Variants in SMIM41 observed in about 807,000 individuals in gnomAD.
SMIM41 encodes small integral membrane protein 41.
In SMIM41 at chr12:52,108,101, T is replaced by C. The variant is rs28687915; in HGVS notation, c.*918T>C. On this transcript the variant is annotated 3_prime_UTR_variant, in exon 3 of 3. Coordinates refer to ENST00000546390, the MANE Select transcript of SMIM41 (RefSeq NM_001369216.1). ...TTGTTTGCTGATTTTATGGAAGAGG[T>C]GTTGGAGGGTACCTCAGTTCAGATG... 35,703 of 215,768 alleles carry C rather than the reference T, an allele frequency of 0.17. 4,416 individuals are homozygous for C. Among genetic ancestry groups the C allele is most frequent in the African/African-American group, 0.38 (16,195 of 42,086 alleles). The allele number at this position is 215,768 out of a possible 1,614,324, so 13.4% of individuals were successfully genotyped here.
At chr12:52,106,046 A>G (rs758344454) in intron 2 of SMIM41, among the ~76,000 whole-genome samples, 37 of 152,190 alleles carry the variant, frequency 2.4e-4, no homozygotes, top group Non-Finnish European at 4.1e-4. Context: ...TTTTAGATAC[A>G]TTTGTTAATA....
At chr12:52,084,248 C>G (rs1422355192) in intron 2 of SMIM41, among the ~76,000 whole-genome samples, 2 of 151,798 alleles carry the variant, frequency 1.3e-5, no homozygotes, top group African/African-American at 4.8e-5. Context: ...GCGGTGCATG[C>G]CTATAATGGG....
intron 1 of SMIM41, among the ~76,000 whole-genome samples, chr12:52,083,474 T>C (rs1156800339): frequency 2.6e-5 from 4 of 152,204 alleles, no homozygotes; most frequent in African/African-American, 9.6e-5. Flanking sequence ...CCCCAGCCCC[T>C]GTCCCCTGGC....
chr12:52,103,357 C>CAAAAAAAAAAAAAAAACA (rs532598136), intron 2 of SMIM41, among the ~76,000 whole-genome samples: 2 of 116,932 alleles, frequency 1.7e-5, no homozygotes, highest in South Asian at 2.8e-4. Context: ...AAAATAAAAC[C>CAAAAAAAAAAAAAAAACA]AAAAAAAAAA....
At chr12:52,098,057 A>C (rs994412205) in intron 2 of SMIM41, among the ~76,000 whole-genome samples, 3 of 151,722 alleles carry the variant, frequency 2.0e-5, no homozygotes, top group African/African-American at 7.3e-5. Flanking sequence ...GAGCAATATC[A>C]CAGTGTGCGT....
chr12:52,099,701 C>A (rs1940176023), intron 2 of SMIM41, among the ~76,000 whole-genome samples: 2 of 152,008 alleles, frequency 1.3e-5, no homozygotes, highest in Non-Finnish European at 1.5e-5. Context: ...TAATATGATT[C>A]TTTGCCCACC....
chr12:52,080,491 G>T (rs1253228351), intron 1 of SMIM41, among the ~76,000 whole-genome samples: 1 of 152,194 alleles, frequency 6.6e-6, no homozygotes, highest in Non-Finnish European at 1.5e-5. Flanking sequence ...GTAACTGTGG[G>T]GTGGTTGTGG....
intron 2 of SMIM41, among the ~76,000 whole-genome samples, chr12:52,089,492 G>A (rs565592295): frequency 1.3e-5 from 2 of 152,208 alleles, no homozygotes; most frequent in South Asian, 4.2e-4. Flanking sequence ...TACTCTGGAG[G>A]CTGAGACAAG....
intron 2 of SMIM41, among the ~76,000 whole-genome samples, chr12:52,093,834 G>A (rs984039697): frequency 7.2e-5 from 11 of 152,096 alleles, no homozygotes; most frequent in Admixed American, 6.5e-4. Flanking sequence ...CAACCCTTTT[G>A]GAAAAATCTG....
At position 52,079,804 on chromosome 12, in the gene SMIM41, G is replaced by A; in HGVS notation, c.25G>A (p.Ala9Thr). MNGSQAGAAAQAAWLSSCC... is the reference protein window; with the variant it reads MNGSQAGATAQAAWLSSCC... Reference sequence around the variant, plus strand: ...CATGAACGGCTCTCAGGCGGGCGCCGCGGCTCAGGCCGCCTGGCTGAGCTC... The same window carrying A: ...CATGAACGGCTCTCAGGCGGGCGCCACGGCTCAGGCCGCCTGGCTGAGCTC... Residue 9 changes from alanine (A) to threonine (T), a missense_variant, in exon 1 of 3, where the codon GCG becomes ACG. Ala to Thr is a moderately conservative substitution (Grantham distance 58). Transcript: ENST00000546390. 1 of 393,710 alleles carries A rather than the reference G, an allele frequency of 2.5e-6. No individual in the cohort carries two copies. Among genetic ancestry groups the A allele is most frequent in the Non-Finnish European group, 4.5e-6 (1 of 222,676 alleles). The allele number at this position is 393,710 out of a possible 1,614,324, so 24.4% of individuals were successfully genotyped here.
intron 2 of SMIM41, chr12:52,104,099 A>G (rs1159153512): frequency 6.6e-6 from 1 of 152,158 alleles, no homozygotes; most frequent in Non-Finnish European, 1.5e-5. Flanking sequence ...CCATAATGAA[A>G]GATTAAAATT....
chr12:52,096,097 G>A (rs143541425), intron 2 of SMIM41, among the ~76,000 whole-genome samples: 105 of 150,694 alleles, frequency 7.0e-4, no homozygotes, highest in African/African-American at 2.5e-3. Flanking sequence ...GAGTCTTATC[G>A]TCCTCTCCCT....
At chr12:52,088,932 C>T (rs1053278683) in intron 2 of SMIM41, among the ~76,000 whole-genome samples, 1 of 151,952 alleles carries the variant, frequency 6.6e-6, no homozygotes, top group Non-Finnish European at 1.5e-5. Flanking sequence ...ATGCTGTGCC[C>T]ACCCCTCTGC....
At chr12:52,095,859 G>C (rs1344252581) in intron 2 of SMIM41, among the ~76,000 whole-genome samples, 1 of 151,854 alleles carries the variant, frequency 6.6e-6, no homozygotes, top group East Asian at 1.9e-4. Flanking sequence ...GCGATATGGG[G>C]GGTAGTATCA....
At chr12:52,087,612 A>C (rs1194180079) in intron 2 of SMIM41, 1 of 152,346 alleles carries the variant, frequency 6.6e-6, no homozygotes, top group Non-Finnish European at 1.5e-5. Flanking sequence ...CGGTGCCATC[A>C]ACAGGAAAGG....
rs570227364 is a variant in SMIM41 at position 52,093,416 on chromosome 12, C to G, written c.*195+9448C>G. 7.2e-4 allele frequency among the ~76,000 whole-genome samples: 110 copies of G among 152,238 alleles called. 1 individual carries two copies. The highest frequency in any genetic ancestry group is 2.6e-3 in the African/African-American group (106 of 41,532). On this transcript the variant is annotated intron_variant, in intron 2 of 2. Coordinates refer to ENST00000546390, the MANE Select transcript of SMIM41 (RefSeq NM_001369216.1). ...TGGTTTTCCTGTAGCACGGTTGTCACAAGGAAGGCCTGTTCCTTGCAGGTG... is the reference window on the plus strand; with the variant it reads ...TGGTTTTCCTGTAGCACGGTTGTCAGAAGGAAGGCCTGTTCCTTGCAGGTG...
intron 2 of SMIM41, among the ~76,000 whole-genome samples, chr12:52,096,686 C>T (rs890332225): frequency 1.3e-5 from 2 of 151,344 alleles, no homozygotes; most frequent in African/African-American, 4.9e-5. Context: ...TTATTGTTAT[C>T]GTCAGTATAA....
In SMIM41 at chr12:52,107,576, T is replaced by A; in HGVS notation, c.*393T>A. The stretch of plus-strand genomic sequence containing the variant: ...CCTCCACCACGGTCCCCCAGATGAC[T>A]GTGGACATCCAGTCTCGCAGCAGAG... On this transcript the variant is annotated 3_prime_UTR_variant, in exon 3 of 3. Transcript: ENST00000546390. The A allele has an allele frequency of 1.4e-6, 1 of 725,602 alleles. No individual in the cohort carries two copies. The highest frequency in any genetic ancestry group is 1.8e-5 in the Admixed American group (1 of 54,818). The allele number at this position is 725,602 out of a possible 1,614,324, so 44.9% of individuals were successfully genotyped here. A position where few individuals can be genotyped will look rare whatever the true frequency, so the allele number is the denominator to read the frequency against.
chr12:52,104,023 T>C (rs1592332145), intron 2 of SMIM41: 1 of 152,240 alleles, frequency 6.6e-6, no homozygotes, highest in East Asian at 1.9e-4. Flanking sequence ...TAAATGTTTA[T>C]ACTGGCCATT....
Sources: gnomAD v4.1 joint callset for allele counts (sites outside exome capture counted in the v4.1 genomes callset) on GRCh38, gnomAD v4.1.1 for gene constraint, MANE v1.5 for transcripts, NCBI Gene and HGNC (gene_info 2026-07-23, HGNC 2026-07-21) for gene names.